The following ANK3 variants were observed in gnomAD, a reference collection of about 807,000 sequenced individuals.
ANK3 encodes the protein ankyrin-3.
Under a neutral mutation model 370.9 loss-of-function variants are expected in ANK3, and 57 were observed. That is an observed-to-expected ratio of 0.15 (90% CI 0.12 to 0.19). The LOEUF is 0.19. Ranked by LOEUF, ANK3 falls within the 10% of genes least tolerant of loss-of-function variation. ANK3 has a pLI of 1.00. For missense variants in ANK3, 4,439 were observed against 5,302.1 expected, an observed-to-expected ratio of 0.84 and a Z score of 5.06; for synonymous variants, 1,929 against 1,946.3, an observed-to-expected ratio of 0.99 and a Z score of 0.23.
At chr10:60,049,599 T>C (rs2077547645) in intron 42 of ANK3, among the ~76,000 whole-genome samples, 1 of 152,136 alleles carries the variant, frequency 6.6e-6, no homozygotes, top group Non-Finnish European at 1.5e-5. Context: ...AAAAAAGTAT[T>C]TGGGGAGAAT....
chr10:60,694,186 G>A (rs1440674803), intron 1 of ANK3, among the ~76,000 whole-genome samples: 1 of 152,068 alleles, frequency 6.6e-6, no homozygotes, highest in African/African-American at 2.4e-5. Flanking sequence ...AAGCGAGAAG[G>A]GAAGTTTAGA....
At chr10:60,701,358 C>T (rs1188881451) in intron 1 of ANK3, among the ~76,000 whole-genome samples, 1 of 151,906 alleles carries the variant, frequency 6.6e-6, no homozygotes, top group African/African-American at 2.4e-5. Context: ...TACTCATTTG[C>T]CCTTTGGCTC....
chr10:60,211,127 A>T (rs2096847728), intron 9 of ANK3, among the ~76,000 whole-genome samples: 1 of 152,190 alleles, frequency 6.6e-6, no homozygotes, highest in South Asian at 2.1e-4. Context: ...ACCTCAGAAG[A>T]TAAAGTGAGA....
chr10:60,689,999 C>T (rs1481916551), intron 1 of ANK3, among the ~76,000 whole-genome samples: 1 of 152,044 alleles, frequency 6.6e-6, no homozygotes, highest in East Asian at 1.9e-4. Flanking sequence ...TAGCAAATTT[C>T]AACTTGAAGG....
chr10:60,287,063 A>G (rs142043784), intron 1 of ANK3, among the ~76,000 whole-genome samples: 1 of 151,980 alleles, frequency 6.6e-6, no homozygotes, highest in East Asian at 1.9e-4. Context: ...GTCCATTCTT[A>G]TACTGGGGGC....
At chr10:60,630,104 T>C (rs1259824881) in intron 1 of ANK3, among the ~76,000 whole-genome samples, 1 of 152,178 alleles carries the variant, frequency 6.6e-6, no homozygotes, top group African/African-American at 2.4e-5. Flanking sequence ...TATTCTATCA[T>C]TTACCAGCAT....
Position 60,080,563 on chromosome 10 carries a change from T to C in ANK3, c.4406A>G (p.Tyr1469Cys), listed in dbSNP as rs1327946540. The C allele has an allele frequency of 3.7e-6, 6 of 1,612,626 alleles. No homozygotes were observed. The highest frequency in any genetic ancestry group is 5.1e-6 in the Non-Finnish European group (6 of 1,179,568). The change falls in exon 36 of 44, where the codon TAC (tyrosine) becomes TGC (cysteine). Residue 1469 changes from tyrosine (Y) to cysteine (C), a missense_variant. Transcript: ENST00000280772. ...SFASLALRKRYSYLTEPGMIE... is the reference protein window; with the variant it reads ...SFASLALRKRCSYLTEPGMIE... The stretch of plus-strand genomic sequence containing the variant: ...CATTCCAGGCTCAGTCAAGTAGCTG[T>C]AGCGCTTACGTAAAGCTAAGGATGC...
At chr10:60,205,957 G>A in intron 10 of ANK3, 67 bp from the exon 11 acceptor site, 3 of 1,040,178 alleles carry the variant, frequency 2.9e-6, no homozygotes, top group Non-Finnish European at 4.5e-6. Context: ...ACTGTGTGCA[G>A]TAAATAGTTT....
At chr10:60,665,528 C>T (rs1052359198) in intron 1 of ANK3, among the ~76,000 whole-genome samples, 2 of 152,048 alleles carry the variant, frequency 1.3e-5, no homozygotes, top group African/African-American at 4.8e-5. Context: ...ACTACATTGT[C>T]GTGGGGAGAA....
intron 2 of ANK3, among the ~76,000 whole-genome samples, chr10:60,608,278 C>T (rs2078154555): frequency 6.6e-6 from 1 of 152,146 alleles, no homozygotes; most frequent in Non-Finnish European, 1.5e-5. Flanking sequence ...AATTAAATAT[C>T]AGCAGACTGG....
chr10:60,152,792 A>G (rs532712255), intron 23 of ANK3, among the ~76,000 whole-genome samples: 1 of 152,304 alleles, frequency 6.6e-6, no homozygotes, highest in East Asian at 1.9e-4. Context: ...GCACCTCAGA[A>G]GACTCCCACA....
intron 1 of ANK3, among the ~76,000 whole-genome samples, chr10:60,333,750 T>C (rs1418389445): frequency 6.6e-6 from 1 of 152,222 alleles, no homozygotes; most frequent in African/African-American, 2.4e-5. Flanking sequence ...TGAACTAATT[T>C]ACACTCCCAC....
At chr10:60,546,494 C>G (rs961956514) in intron 2 of ANK3, among the ~76,000 whole-genome samples, 1 of 152,166 alleles carries the variant, frequency 6.6e-6, no homozygotes, top group South Asian at 2.1e-4. Flanking sequence ...TGACTAGCCA[C>G]TTAAAAATTT....
chr10:60,702,772 T>C (rs1317051902), intron 1 of ANK3, among the ~76,000 whole-genome samples: 1 of 152,216 alleles, frequency 6.6e-6, no homozygotes, highest in Non-Finnish European at 1.5e-5. Context: ...CCAAAACTTT[T>C]GTGGATCTGT....
chr10:60,720,816 T>C (rs1315921539), intron 1 of ANK3, among the ~76,000 whole-genome samples: 1 of 152,176 alleles, frequency 6.6e-6, no homozygotes, highest in Non-Finnish European at 1.5e-5. Context: ...TTTTGCCATA[T>C]TGCCTAGGCT....
intron 2 of ANK3, among the ~76,000 whole-genome samples, chr10:60,483,470 C>A (rs985254064): frequency 2.0e-5 from 3 of 152,110 alleles, no homozygotes; most frequent in African/African-American, 7.2e-5. Context: ...CCATTTTCTT[C>A]TTTACTCAGG....
At chr10:60,463,150 C>A (rs75803729) in intron 2 of ANK3, among the ~76,000 whole-genome samples, 1 of 152,132 alleles carries the variant, frequency 6.6e-6, no homozygotes, top group African/African-American at 2.4e-5. Context: ...GTGATCCATG[C>A]GCCTTGGCCT....
chr10:60,583,756 G>T (rs373239016), intron 2 of ANK3, among the ~76,000 whole-genome samples: 3 of 151,680 alleles, frequency 2.0e-5, no homozygotes, highest in African/African-American at 7.2e-5. Flanking sequence ...CTAATTTTTT[G>T]GGTATTTTTA....
intron 8 of ANK3, among the ~76,000 whole-genome samples, chr10:60,226,622 C>T (rs1384995186): frequency 9.6e-6 from 1 of 103,924 alleles, no homozygotes; most frequent in Admixed American, 1.2e-4. Context: ...GCAAAAGTCA[C>T]TATATATTAT....
Sources: gnomAD v4.1 joint callset for allele counts (sites outside exome capture counted in the v4.1 genomes callset) on GRCh38, gnomAD v4.1.1 for gene constraint, MANE v1.5 for transcripts, NCBI Gene and HGNC (gene_info 2026-07-23, HGNC 2026-07-21) for gene names.